The following MTUS2 variants were observed in gnomAD, a reference collection of about 807,000 sequenced individuals.
The protein encoded by MTUS2 is microtubule-associated tumor suppressor candidate 2.
A neutral mutation model predicts 114.1 loss-of-function variants in MTUS2; 40 were observed. That is an observed-to-expected ratio of 0.35 (90% CI 0.27 to 0.46). MTUS2 has a LOEUF of 0.46. MTUS2 is among the 20% of genes least tolerant of loss of function. MTUS2 has a pLI of 1.00. For missense variants in MTUS2, 1,679 were observed against 1,705.4 expected (o/e 0.98, Z 0.27); for synonymous variants, 688 against 672.0 (o/e 1.02, Z -0.37).
chr13:28,961,559 G>A (rs2138213820), intron 2 of MTUS2, among the ~76,000 whole-genome samples: 1 of 152,162 alleles, frequency 6.6e-6, no homozygotes, highest in Non-Finnish European at 1.5e-5. Context: ...AATTTTAAAT[G>A]ATAAAACCTC....
chr13:29,213,982 G>GT (rs925842324), intron 5 of MTUS2, among the ~76,000 whole-genome samples: 7 of 149,894 alleles, frequency 4.7e-5, no homozygotes, highest in Non-Finnish European at 7.4e-5. Flanking sequence ...TTATTTTTGT[G>GT]TTCTCAGTGG....
At chr13:29,013,546 T>A (rs143052171) in intron 2 of MTUS2, among the ~76,000 whole-genome samples, 1 of 152,362 alleles carries the variant, frequency 6.6e-6, no homozygotes, top group African/African-American at 2.4e-5. Flanking sequence ...ATCATTTTTT[T>A]AGAGCAAACA....
intron 4 of MTUS2, among the ~76,000 whole-genome samples, chr13:29,049,008 C>T (rs760245415): frequency 3.9e-5 from 6 of 152,140 alleles, no homozygotes; most frequent in Non-Finnish European, 7.3e-5. Flanking sequence ...CCTTATTAGG[C>T]GTGTACTGAT....
intron 7 of MTUS2, among the ~76,000 whole-genome samples, chr13:29,350,890 G>A (rs1869175165): frequency 6.7e-6 from 1 of 150,068 alleles, no homozygotes; most frequent in African/African-American, 2.4e-5. Flanking sequence ...CCACTCTTGG[G>A]ACCTAATCAC....
intron 7 of MTUS2, among the ~76,000 whole-genome samples, chr13:29,352,702 A>G (rs1343581198): frequency 6.6e-6 from 1 of 152,212 alleles, no homozygotes; most frequent in Non-Finnish European, 1.5e-5. Flanking sequence ...TGATGGCTGA[A>G]TAATATTCTG....
intron 8 of MTUS2, among the ~76,000 whole-genome samples, chr13:29,373,963 T>C (rs7491570): frequency 6.6e-6 from 1 of 152,018 alleles, no homozygotes; most frequent in Non-Finnish European, 1.5e-5. Flanking sequence ...GCAGAATGCT[T>C]CAGGAAGTAC....
intron 5 of MTUS2, among the ~76,000 whole-genome samples, chr13:29,240,606 T>G (rs1217822453): frequency 2.0e-5 from 3 of 152,242 alleles, no homozygotes; most frequent in East Asian, 3.8e-4. Flanking sequence ...AAATAAAGTA[T>G]TATTTTTTCT....
intron 6 of MTUS2, among the ~76,000 whole-genome samples, chr13:29,289,280 A>C (rs1448369995): frequency 6.6e-6 from 1 of 151,806 alleles, no homozygotes; most frequent in Non-Finnish European, 1.5e-5. Flanking sequence ...TCCTGCAGAG[A>C]GGCTGGGTGG....
rs184692881 is a variant in MTUS2 at position 29,151,006 on chromosome 13, A to G, written c.2644+50036A>G. ...TATGGCTTTGTTCTTTTTGCCTAAGATTGCTTTGGTTATTTGGGCTCTTTT... is the reference window on the plus strand; with the variant it reads ...TATGGCTTTGTTCTTTTTGCCTAAGGTTGCTTTGGTTATTTGGGCTCTTTT... On this transcript the variant is annotated intron_variant, in intron 5 of 15. Transcript: ENST00000612955. Among the ~76,000 whole-genome samples, 4 of 152,234 alleles carry G rather than the reference A, an allele frequency of 2.6e-5. No individual in the cohort carries two copies. In the East Asian group the frequency reaches 7.7e-4, roughly 29 times the overall value.
intron 5 of MTUS2, among the ~76,000 whole-genome samples, chr13:29,232,335 CAT>C (rs1226746923): frequency 6.6e-6 from 1 of 151,738 alleles, no homozygotes; most frequent in Non-Finnish European, 1.5e-5. Context: ...CACACATACA[CAT>C]ATGGGCACAC....
intron 2 of MTUS2, among the ~76,000 whole-genome samples, chr13:28,922,320 G>A (rs901947398): frequency 1.3e-5 from 2 of 152,180 alleles, no homozygotes; most frequent in Non-Finnish European, 2.9e-5. Context: ...CTTTACAGCA[G>A]TTTAAGAACA....
Position 29,123,154 on chromosome 13 carries a change from A to G in MTUS2, c.2644+22184A>G, listed in dbSNP as rs555631088. The stretch of plus-strand genomic sequence containing the variant: ...TATTCTCTCAATACTTGAAATTTTT[A>G]TTCATTTACAATCAGCACTTGTTTT... On this transcript the variant is annotated intron_variant, in intron 5 of 15. Coordinates refer to ENST00000612955, the MANE Select transcript of MTUS2 (RefSeq NM_001033602.4). Among the ~76,000 whole-genome samples, 3 of 152,322 alleles carry G rather than the reference A, an allele frequency of 2.0e-5. No homozygotes were observed. The East Asian group carries it at 5.8e-4, about 29-fold the overall frequency.
At position 29,359,356 on chromosome 13, in the gene MTUS2, G is replaced by A; in HGVS notation, c.3000G>A (p.Arg1000=). Residue 1000 remains arginine (R), a synonymous_variant, in exon 8 of 16, where the codon CGG becomes CGA. Transcript: ENST00000612955. Reference sequence around the variant, plus strand: ...AGGCTGAGCGGCAGCTGGTGCTGCGGCTGAAGGAGCGGTGTGAGCAGCAGA... The same window carrying A: ...AGGCTGAGCGGCAGCTGGTGCTGCGACTGAAGGAGCGGTGTGAGCAGCAGA... ...AREAERQLVL[R]LKERCEQQTR... 1.2e-6 allele frequency: 2 copies of A among 1,612,528 alleles called. No individual in the cohort carries two copies. The highest frequency in any genetic ancestry group is 1.7e-6 in the Non-Finnish European group (2 of 1,179,436).
chr13:29,296,225 G>A (rs1275377410), intron 6 of MTUS2, among the ~76,000 whole-genome samples: 1 of 151,730 alleles, frequency 6.6e-6, no homozygotes, highest in Non-Finnish European at 1.5e-5. Context: ...TTGTTTGTTT[G>A]TTTGTGAGAC....
chr13:29,086,731 A>G (rs1193517737), intron 4 of MTUS2, among the ~76,000 whole-genome samples: 2 of 152,170 alleles, frequency 1.3e-5, no homozygotes, highest in East Asian at 3.8e-4. Flanking sequence ...CATTTTAACA[A>G]TGTTGATTGT....
At chr13:29,285,414 C>A (rs1307767881) in intron 6 of MTUS2, among the ~76,000 whole-genome samples, 1 of 151,898 alleles carries the variant, frequency 6.6e-6, no homozygotes, top group African/African-American at 2.4e-5. Flanking sequence ...TCCCTTTTTG[C>A]CTCTTCTGAT....
chr13:29,382,962 C>A (rs1046100519), intron 8 of MTUS2, among the ~76,000 whole-genome samples: 2 of 151,998 alleles, frequency 1.3e-5, no homozygotes, highest in Non-Finnish European at 2.9e-5. Context: ...TACAGCAACA[C>A]GAGCAAGAGA....
At chr13:29,259,944 G>A (rs993996078) in intron 5 of MTUS2, among the ~76,000 whole-genome samples, 2 of 152,230 alleles carry the variant, frequency 1.3e-5, no homozygotes, top group Non-Finnish European at 2.9e-5. Context: ...TCCCAGAGTT[G>A]CTGTGTACCC....
chr13:29,033,948 C>G lies in MTUS2; in HGVS notation c.2269C>G (p.Pro757Ala), dbSNP rs1217547346. ...SPPYAHYEVPPTFYRSAMLLK... is the reference protein window; with the variant it reads ...SPPYAHYEVPATFYRSAMLLK... Reference sequence around the variant, plus strand: ...TCCCTATGCTCATTATGAAGTCCCTCCAACTTTCTATCGGTCAGCCATGCT... The same window carrying G: ...TCCCTATGCTCATTATGAAGTCCCTGCAACTTTCTATCGGTCAGCCATGCT... Residue 757 changes from proline (P) to alanine (A), a missense_variant, in exon 4 of 16, where the codon CCA (proline) becomes GCA (alanine). Around this residue, in one of 3 missense-constraint regions of MTUS2, gnomAD observed 822 missense variants for 899.7 expected, o/e 0.91. Transcript: ENST00000612955. 6.2e-7 allele frequency: 1 copy of G among 1,613,906 alleles called. No homozygotes were observed. Among genetic ancestry groups the G allele is most frequent in the African/African-American group, 1.3e-5 (1 of 74,922 alleles).
Sources: gnomAD v4.1 joint callset for allele counts (sites outside exome capture counted in the v4.1 genomes callset) on GRCh38, gnomAD v4.1.1 for gene constraint, gnomAD v4.1.1 regional missense constraint, MANE v1.5 for transcripts, NCBI Gene and HGNC (gene_info 2026-07-23, HGNC 2026-07-21) for gene names.